Variants in PRKD1 observed in about 807,000 individuals in gnomAD.
PRKD1 encodes serine/threonine-protein kinase D1.
In PRKD1, 63 loss-of-function variants were observed where a neutral mutation model predicts 95.9. That is an observed-to-expected ratio of 0.66 (90% CI 0.54 to 0.81). The LOEUF (loss-of-function observed/expected upper bound fraction) is 0.81. Ranked by LOEUF, PRKD1 falls within the 30% of genes least tolerant of loss-of-function variation. The pLI is 0.00. For synonymous variants in PRKD1, 425 were observed against 423.1 expected, an observed-to-expected ratio of 1.00 and a Z score of -0.05; for missense variants, 1,048 against 1,165.3, an observed-to-expected ratio of 0.90 and a Z score of 1.47.
chr14:29,700,984 G>GCACACACACACACACA (rs1305950280), intron 2 of PRKD1, among the ~76,000 whole-genome samples: 3 of 52,930 alleles, frequency 5.7e-5, no homozygotes, highest in South Asian at 8.2e-4. Flanking sequence ...ATGCGCGCGC[G>GCACACACACACACACA]CGCGCACACA....
intron 1 of PRKD1, among the ~76,000 whole-genome samples, chr14:29,796,720 A>T (rs1889834921): frequency 1.3e-5 from 2 of 152,142 alleles, no homozygotes; most frequent in African/African-American, 4.8e-5. Context: ...TAACCTACTG[A>T]TATAGTAACT....
intron 1 of PRKD1, among the ~76,000 whole-genome samples, chr14:29,896,225 T>C (rs1894119122): frequency 6.6e-6 from 1 of 152,160 alleles, no homozygotes; most frequent in African/African-American, 2.4e-5. Context: ...CTAATGAAAA[T>C]TTAGGAGGTT....
At chr14:29,666,429 C>T (rs1015901574) in intron 2 of PRKD1, among the ~76,000 whole-genome samples, 14 of 151,758 alleles carry the variant, frequency 9.2e-5, no homozygotes, top group African/African-American at 3.1e-4. Flanking sequence ...CCTCTTCCTG[C>T]TTGACCAAGT....
At chr14:29,895,711 T>A (rs1459622166) in intron 1 of PRKD1, among the ~76,000 whole-genome samples, 1 of 152,162 alleles carries the variant, frequency 6.6e-6, no homozygotes, top group African/African-American at 2.4e-5. Flanking sequence ...TTAGGACTTT[T>A]GCACTGACTG....
At chr14:29,910,216 G>A (rs1013897379) in intron 1 of PRKD1, among the ~76,000 whole-genome samples, 1 of 152,130 alleles carries the variant, frequency 6.6e-6, no homozygotes, top group Non-Finnish European at 1.5e-5. Context: ...CCTACTGGGA[G>A]GAATGAACAA....
chr14:29,623,144 G>A (rs551601125), intron 13 of PRKD1, among the ~76,000 whole-genome samples: 10 of 152,284 alleles, frequency 6.6e-5, no homozygotes, highest in Admixed American at 1.3e-4. Flanking sequence ...CATGTAAGCA[G>A]AGAGCATTGT....
chr14:29,581,938 A>T (rs1436771820), intron 16 of PRKD1, among the ~76,000 whole-genome samples: 1 of 152,198 alleles, frequency 6.6e-6, no homozygotes, highest in Non-Finnish European at 1.5e-5. Flanking sequence ...TTATTCTTTG[A>T]GCAAGTCTTA....
chr14:29,701,664 C>G (rs1247580372), intron 2 of PRKD1, among the ~76,000 whole-genome samples: 1 of 152,022 alleles, frequency 6.6e-6, no homozygotes, highest in African/African-American at 2.4e-5. Context: ...TCTTTTTTAA[C>G]TCTTACATAT....
chr14:29,883,138 G>C (rs970195200), intron 1 of PRKD1, among the ~76,000 whole-genome samples: 2 of 152,172 alleles, frequency 1.3e-5, no homozygotes, highest in Non-Finnish European at 2.9e-5. Flanking sequence ...AGGAGCAAGA[G>C]AGAGTGGGGA....
chr14:29,738,643 A>G (rs1886839292), intron 1 of PRKD1, among the ~76,000 whole-genome samples: 1 of 152,174 alleles, frequency 6.6e-6, no homozygotes, highest in Non-Finnish European at 1.5e-5. Flanking sequence ...GTTCAAATGC[A>G]GATAACTCAG....
At chr14:29,882,508 G>A (rs1186301300) in intron 1 of PRKD1, among the ~76,000 whole-genome samples, 1 of 152,152 alleles carries the variant, frequency 6.6e-6, no homozygotes, top group Non-Finnish European at 1.5e-5. Context: ...TTTATTAGTT[G>A]TGGTGAGATA....
At chr14:29,585,895 A>G (rs1892907160) in intron 16 of PRKD1, among the ~76,000 whole-genome samples, 1 of 152,228 alleles carries the variant, frequency 6.6e-6, no homozygotes, top group African/African-American at 2.4e-5. Flanking sequence ...ATTTGTATCA[A>G]TATTTGCAGA....
intron 1 of PRKD1, among the ~76,000 whole-genome samples, chr14:29,804,616 T>G (rs1256694557): frequency 6.6e-6 from 1 of 152,100 alleles, no homozygotes; most frequent in Non-Finnish European, 1.5e-5. Context: ...ATCCTAATGT[T>G]TAAAATAGAG....
intron 1 of PRKD1, among the ~76,000 whole-genome samples, chr14:29,875,410 T>A (rs1893252400): frequency 6.6e-6 from 1 of 152,216 alleles, no homozygotes; most frequent in African/African-American, 2.4e-5. Context: ...TATTTGCATG[T>A]GGACAAAGAC....
chr14:29,676,648 C>T (rs116613059), intron 2 of PRKD1, among the ~76,000 whole-genome samples: 1,852 of 152,230 alleles, frequency 0.012, 39 homozygotes, highest in African/African-American at 0.042. Context: ...CCACAGCGCC[C>T]GGCCAAGTTC....
chr14:29,629,761 G>A (rs1293807007), intron 10 of PRKD1, among the ~76,000 whole-genome samples: 2 of 151,972 alleles, frequency 1.3e-5, no homozygotes, highest in Admixed American at 6.6e-5. Context: ...TTCTACTAAT[G>A]AACAGAGAAT....
intron 2 of PRKD1, among the ~76,000 whole-genome samples, chr14:29,670,643 C>T (rs1448030192): frequency 6.6e-6 from 1 of 152,062 alleles, no homozygotes; most frequent in East Asian, 1.9e-4. Context: ...ACTATTGTGG[C>T]CCAGGTGTGT....
At chr14:29,839,458 C>T (rs1261237636) in intron 1 of PRKD1, among the ~76,000 whole-genome samples, 1 of 152,174 alleles carries the variant, frequency 6.6e-6, no homozygotes, top group Non-Finnish European at 1.5e-5. Context: ...CTGCCAAAGG[C>T]AAAGTTCATG....
chr14:29,583,726 G>T (rs1482075661), intron 16 of PRKD1, among the ~76,000 whole-genome samples: 3 of 151,986 alleles, frequency 2.0e-5, no homozygotes, highest in African/African-American at 7.2e-5. Flanking sequence ...CAATTGTATG[G>T]TGTACATTTC....
Sources: gnomAD v4.1 joint callset for allele counts (sites outside exome capture counted in the v4.1 genomes callset) on GRCh38, gnomAD v4.1.1 for gene constraint, MANE v1.5 for transcripts, NCBI Gene and HGNC (gene_info 2026-07-23, HGNC 2026-07-21) for gene names.